ROCK2: variants seen among roughly 807,000 people sequenced by gnomAD.
The protein encoded by ROCK2 is rho-associated protein kinase 2.
A neutral mutation model predicts 195.1 loss-of-function variants in ROCK2; 61 were observed. The observed-to-expected ratio is 0.31, with a 90% CI of 0.25 to 0.39. The LOEUF (loss-of-function observed/expected upper bound fraction) is 0.39. Ranked by LOEUF, ROCK2 falls within the 10% of genes least tolerant of loss-of-function variation. The pLI is 1.00. For synonymous variants in ROCK2, 504 were observed against 545.5 expected, an observed-to-expected ratio of 0.92 and a Z score of 1.06; for missense variants, 1,109 against 1,637.4, an observed-to-expected ratio of 0.68 and a Z score of 5.57.
chr2:11,283,971 T>G (rs1667104322), intron 3 of ROCK2, among the ~76,000 whole-genome samples: 1 of 152,234 alleles, frequency 6.6e-6, no homozygotes, highest in African/African-American at 2.4e-5. Context: ...ATGTCTATAG[T>G]GCTTTACTCA....
intron 3 of ROCK2, among the ~76,000 whole-genome samples, chr2:11,268,885 C>G (rs1244241523): frequency 1.3e-5 from 2 of 152,118 alleles, no homozygotes; most frequent in Non-Finnish European, 2.9e-5. Flanking sequence ...GTTACTCCCA[C>G]AGTATCTATT....
chr2:11,317,250 T>A (rs1668222876), intron 1 of ROCK2, among the ~76,000 whole-genome samples: 4 of 151,634 alleles, frequency 2.6e-5, no homozygotes. Context: ...TTACAGGGCA[T>A]CTCCTAAATA....
intron 1 of ROCK2, among the ~76,000 whole-genome samples, chr2:11,310,590 T>G (rs79314685): frequency 1.3e-5 from 2 of 152,226 alleles, no homozygotes; most frequent in East Asian, 3.8e-4. Context: ...TTCTATTTTT[T>G]GATAATTCCT....
intron 3 of ROCK2, among the ~76,000 whole-genome samples, chr2:11,252,269 G>C (rs1160761238): frequency 6.6e-6 from 1 of 151,980 alleles, no homozygotes; most frequent in African/African-American, 2.4e-5. Context: ...AAATTAGCTT[G>C]GCATGGTGGT....
rs1366612687 is a variant in ROCK2, at chr2:11,344,564, ATGGTCGCCGCCG to A, written c.-440_-429del. On this transcript the variant is annotated 5_prime_UTR_variant, in exon 1 of 33. It removes an upstream start codon present in the reference 5' UTR. Transcript: ENST00000315872. This position sits in a 1 kb window ranked among gnomAD's most constrained non-coding sequence, Gnocchi z 5.4. ...CTACGGCCGCCGCCGGCCCGCTGCC[ATGGTCGCCGCCG>A]GCCGCCTTGCAGTCCCTCAGCCAGC... The A allele has an allele frequency of 1.9e-5, 17 of 907,774 alleles. No individual in the cohort carries two copies. Among genetic ancestry groups the A allele is most frequent in the Non-Finnish European group, 2.1e-5 (16 of 764,860 alleles). 56.2% of individuals were successfully genotyped at this position (907,774 alleles called of 1,614,324 possible).
chr2:11,327,164 G>A (rs1270224695), intron 1 of ROCK2, among the ~76,000 whole-genome samples: 2 of 152,128 alleles, frequency 1.3e-5, no homozygotes, highest in African/African-American at 4.8e-5. Flanking sequence ...AGATACATAC[G>A]ATGAAAATTC....
intron 32 of ROCK2, among the ~76,000 whole-genome samples, chr2:11,188,684 C>T (rs1663298115): frequency 6.7e-6 from 1 of 149,330 alleles, no homozygotes; most frequent in African/African-American, 2.5e-5. Context: ...AGTGCAGTGG[C>T]GTGATCTCGG....
chr2:11,255,928 C>CAAAAAAAA (rs57678031), intron 3 of ROCK2, among the ~76,000 whole-genome samples: 1 of 33,070 alleles, frequency 3.0e-5, no homozygotes, highest in Non-Finnish European at 5.1e-5. Flanking sequence ...GACTCCATCT[C>CAAAAAAAA]AAAAAAAAAA....
intron 1 of ROCK2, among the ~76,000 whole-genome samples, chr2:11,335,108 TACACACACACACACACACACACAC>T (rs59721285): frequency 7.2e-4 from 105 of 145,126 alleles, no homozygotes; most frequent in African/African-American, 2.5e-3. Context: ...CTTTGACTGA[TACACACACACACACACACACACAC>T]ACACACACAC....
intron 20 of ROCK2, among the ~76,000 whole-genome samples, chr2:11,206,759 C>CT (rs1168727019): frequency 6.6e-6 from 1 of 152,224 alleles, no homozygotes; most frequent in Admixed American, 6.5e-5. Flanking sequence ...GTCCCTAACA[C>CT]TTATCATATG....
At chr2:11,190,429 T>C (rs192622380) in intron 32 of ROCK2, among the ~76,000 whole-genome samples, 1 of 151,758 alleles carries the variant, frequency 6.6e-6, no homozygotes, top group Admixed American at 6.6e-5. Flanking sequence ...ACCATAATGC[T>C]GATTTGGACT....
intron 17 of ROCK2, among the ~76,000 whole-genome samples, chr2:11,213,639 T>C (rs555435142): frequency 1.4e-4 from 19 of 133,614 alleles, no homozygotes; most frequent in African/African-American, 4.6e-4. Flanking sequence ...AAACAAACAA[T>C]GCCTTTTTTA....
intron 3 of ROCK2, among the ~76,000 whole-genome samples, chr2:11,251,628 C>A (rs1412842051): frequency 6.6e-6 from 1 of 152,124 alleles, no homozygotes; most frequent in African/African-American, 2.4e-5. Flanking sequence ...ACAAAAACAC[C>A]AAAAGGAATG....
chr2:11,344,213 C>G lies in ROCK2; in HGVS notation c.-77G>C. 7.5e-7 allele frequency: 1 copy of G among 1,334,148 alleles called. No homozygotes were observed. Among genetic ancestry groups the G allele is most frequent in the South Asian group, 2.0e-5 (1 of 51,246 alleles). The allele number at this position is 1,334,148 out of a possible 1,614,324, so 82.6% of individuals were successfully genotyped here. On this transcript the variant is annotated 5_prime_UTR_variant, in exon 1 of 33. Coordinates refer to ENST00000315872, the MANE Select transcript of ROCK2 (RefSeq NM_004850.5). This position sits in a 1 kb window ranked among gnomAD's most constrained non-coding sequence, Gnocchi z 5.4. ...CTCGGGGCCTAGCACCGCCCCCGAA[C>G]CACCAGCTCCGGCCGGGACTCCACC...
At chr2:11,322,433 T>C (rs911513768) in intron 1 of ROCK2, among the ~76,000 whole-genome samples, 74 of 151,646 alleles carry the variant, frequency 4.9e-4, no homozygotes, top group African/African-American at 1.7e-3. Context: ...GCCATTTAAG[T>C]GTTTGCTACT....
chr2:11,255,413 T>C (rs912795290), intron 3 of ROCK2, among the ~76,000 whole-genome samples: 5 of 150,648 alleles, frequency 3.3e-5, no homozygotes, highest in Admixed American at 1.3e-4. Flanking sequence ...AGGTACAGTA[T>C]ATAATTTAAA....
intron 1 of ROCK2, among the ~76,000 whole-genome samples, chr2:11,327,162 A>G (rs904247786): frequency 6.6e-6 from 1 of 152,188 alleles, no homozygotes; most frequent in Non-Finnish European, 1.5e-5. Context: ...CCAGATACAT[A>G]CGATGAAAAT....
At chr2:11,200,770 A>G (rs552829674) in intron 23 of ROCK2, among the ~76,000 whole-genome samples, 187 bp downstream of exon 23, 3 of 152,296 alleles carry the variant, frequency 2.0e-5, no homozygotes, top group African/African-American at 7.2e-5. Context: ...GAATTCATTA[A>G]CAGGTGAAGT....
At chr2:11,338,110 G>C (rs534675268) in intron 1 of ROCK2, among the ~76,000 whole-genome samples, 1 of 152,270 alleles carries the variant, frequency 6.6e-6, no homozygotes, top group African/African-American at 2.4e-5. Context: ...TTCAGGGGCT[G>C]AGGCTGGAGG....
Sources: allele counts gnomAD v4.1 joint callset (sites outside exome capture counted in the v4.1 genomes callset), GRCh38; gene constraint gnomAD v4.1.1; non-coding constraint Gnocchi (gnomAD v3.1); transcripts MANE v1.5; gene names NCBI Gene and HGNC (gene_info 2026-07-23, HGNC 2026-07-21).